Variants in WWOX observed in about 807,000 individuals in gnomAD.
The protein encoded by WWOX is WW domain-containing oxidoreductase.
In WWOX, 69 loss-of-function variants were observed where a neutral mutation model predicts 46.2. The ratio of observed to expected loss-of-function variants is 1.49; its 90% CI spans 1.23 to 1.82. The LOEUF (loss-of-function observed/expected upper bound fraction) is 1.82, where lower values mean the gene tolerates loss of function less well. Ranked by LOEUF, WWOX falls within the 40% of genes most tolerant of loss-of-function variation. The pLI is 0.00. For synonymous variants in WWOX, 359 were observed against 202.6 expected (o/e 1.77, Z -6.56); for missense variants, 919 against 542.6 (o/e 1.69, Z -6.89).
rs997699059 is a variant in WWOX at position 78,514,436 on chromosome 16, C to A, written c.1056+81684C>A. On this transcript the variant is annotated intron_variant, in intron 8 of 8. Transcript: ENST00000566780. ...TAGTTTGCTTGACAAAGGATAGATA[C>A]ATTTTCCATGTGTGGAGGTAAAAGC... is the stretch of plus-strand genomic sequence containing the variant. 2.0e-5 allele frequency among the ~76,000 whole-genome samples: 3 copies of A among 152,158 alleles called. No homozygotes were observed. In the South Asian group the frequency reaches 6.2e-4, roughly 31 times the overall value.
intron 6 of WWOX, among the ~76,000 whole-genome samples, chr16:78,421,635 G>C (rs148715443): frequency 6.6e-6 from 1 of 152,146 alleles, no homozygotes; most frequent in Non-Finnish European, 1.5e-5. Flanking sequence ...CTATAAAGCA[G>C]TGGCATATGA....
intron 8 of WWOX, among the ~76,000 whole-genome samples, chr16:79,041,164 C>G (rs1235093070): frequency 6.6e-6 from 1 of 151,992 alleles, no homozygotes; most frequent in Non-Finnish European, 1.5e-5. Context: ...AGATATTGAC[C>G]CCATGGTCTT....
At chr16:78,182,243 A>G (rs889654083) in intron 5 of WWOX, among the ~76,000 whole-genome samples, 1 of 152,194 alleles carries the variant, frequency 6.6e-6, no homozygotes, top group Non-Finnish European at 1.5e-5. Flanking sequence ...TGAAATGTTC[A>G]TGATGGTACC....
At chr16:78,813,085 CT>C (rs552885920) in intron 8 of WWOX, among the ~76,000 whole-genome samples, 137 of 136,142 alleles carry the variant, frequency 1.0e-3, no homozygotes, top group Middle Eastern at 7.6e-3. Context: ...GAGATGTTTT[CT>C]TTTTTTTTTT....
chr16:78,627,477 G>A (rs2738577), intron 8 of WWOX, among the ~76,000 whole-genome samples: 89,435 of 152,078 alleles, frequency 0.59, 26,630 homozygotes, highest in East Asian at 0.69. Flanking sequence ...TTGACATTCT[G>A]TGATCCTGTA....
chr16:79,105,534 A>G (rs2049290716), intron 8 of WWOX, among the ~76,000 whole-genome samples: 2 of 152,190 alleles, frequency 1.3e-5, no homozygotes, highest in Admixed American at 6.5e-5. Flanking sequence ...GTGTATTTAG[A>G]TATTTCTAGA....
At position 78,285,096 on chromosome 16, in the gene WWOX, T is replaced by C. The variant is rs140215558; in HGVS notation, c.517-101764T>C. ...AGGGGCAAAGTGCATCTGCTTCTGC[T>C]TTGTTTATAGACTGTCAGCCTTGGA... On this transcript the variant is annotated intron_variant, in intron 5 of 8. Transcript: ENST00000566780. 3.3e-4 allele frequency among the ~76,000 whole-genome samples: 50 copies of C among 152,296 alleles called. No individual in the cohort carries two copies. The East Asian group carries it at 9.7e-3, about 29-fold the overall frequency.
At chr16:78,194,932 A>G (rs62034004) in intron 5 of WWOX, among the ~76,000 whole-genome samples, 4 of 152,218 alleles carry the variant, frequency 2.6e-5, no homozygotes, top group Non-Finnish European at 4.4e-5. Flanking sequence ...GCGTTCTGCT[A>G]TACAGCAGTG....
At chr16:78,714,978 C>T (rs1052805364) in intron 8 of WWOX, among the ~76,000 whole-genome samples, 27 of 152,240 alleles carry the variant, frequency 1.8e-4, no homozygotes, top group Non-Finnish European at 3.1e-4. Flanking sequence ...AACACTATAA[C>T]TGCTCGGTAG....
intron 8 of WWOX, among the ~76,000 whole-genome samples, chr16:78,518,763 C>A (rs1167198965): frequency 1.3e-5 from 2 of 152,136 alleles, no homozygotes; most frequent in South Asian, 4.1e-4. Context: ...AGGCCAGCTT[C>A]CTAGGAGGTG....
rs869227421 is a variant in WWOX, at chr16:78,702,007, TTATATATATATATA to T, written c.1056+269280_1056+269293del. ...GGAGACTAGCCTGGGCTACATAAAATTATATATATATATATATATATATATATATATATATATAA... is the reference window on the plus strand; with the variant it reads ...GGAGACTAGCCTGGGCTACATAAAATTATATATATATATATATATATATAA... On this transcript the variant is annotated intron_variant, in intron 8 of 8. Coordinates refer to ENST00000566780, the MANE Select transcript of WWOX (RefSeq NM_016373.4). Among the ~76,000 whole-genome samples the T allele has an allele frequency of 9.4e-4, 54 of 57,628 alleles. 1 individual carries two copies. The highest frequency in any genetic ancestry group is 2.4e-3 in the African/African-American group (36 of 15,286). The allele number at this position is 57,628 out of a possible 152,430, so 37.8% of individuals were successfully genotyped here.
chr16:78,579,378 G>T (rs925599046), intron 8 of WWOX, among the ~76,000 whole-genome samples: 1 of 152,128 alleles, frequency 6.6e-6, no homozygotes. Context: ...AGATGTCTGA[G>T]CCAAATTGAA....
chr16:79,198,287 G>A (rs1264233299), intron 8 of WWOX, among the ~76,000 whole-genome samples: 5 of 152,200 alleles, frequency 3.3e-5, no homozygotes, highest in African/African-American at 1.2e-4. Flanking sequence ...GATGTAAGCC[G>A]AGATTGCGCC....
At chr16:78,898,603 C>A (rs1266803929) in intron 8 of WWOX, 1 of 152,040 alleles carries the variant, frequency 6.6e-6, no homozygotes, top group Admixed American at 6.6e-5. Context: ...TAGATACTTT[C>A]CTTTTACATA....
chr16:78,874,449 C>A (rs1567618622), intron 8 of WWOX, among the ~76,000 whole-genome samples: 1 of 152,116 alleles, frequency 6.6e-6, no homozygotes, highest in African/African-American at 2.4e-5. Flanking sequence ...TCTGCTACCT[C>A]CAACTGGGTC....
intron 8 of WWOX, among the ~76,000 whole-genome samples, chr16:78,481,635 G>GA (rs373734150): frequency 0.16 from 19,173 of 123,144 alleles, 1,709 homozygotes; most frequent in Non-Finnish European, 0.2. Context: ...ATGGAATTGT[G>GA]AAAAAAAAAA....
intron 6 of WWOX, among the ~76,000 whole-genome samples, chr16:78,390,492 A>C (rs2082154516): frequency 1.3e-5 from 2 of 152,102 alleles, no homozygotes; most frequent in African/African-American, 4.8e-5. Context: ...CCATATAGAG[A>C]CCTCTGTAGC....
chr16:78,321,364 A>C (rs551695597), intron 5 of WWOX, among the ~76,000 whole-genome samples: 764 of 62,792 alleles, frequency 0.012, 49 homozygotes, highest in Non-Finnish European at 0.014. Flanking sequence ...ATATGCGTAT[A>C]TATATACGTA....
intron 8 of WWOX, among the ~76,000 whole-genome samples, chr16:78,971,531 G>C (rs1020192165): frequency 6.6e-6 from 1 of 151,220 alleles, no homozygotes; most frequent in African/African-American, 2.4e-5. Flanking sequence ...GCCATGGAAA[G>C]AGAATGGAGC....
Sources: allele counts gnomAD v4.1 joint callset (sites outside exome capture counted in the v4.1 genomes callset), GRCh38; gene constraint gnomAD v4.1.1; transcripts MANE v1.5; gene names NCBI Gene and HGNC (gene_info 2026-07-23, HGNC 2026-07-21).